KIAA1217: variants seen among roughly 807,000 people sequenced by gnomAD.
KIAA1217 encodes the protein KIAA1217, also known as sickle tail protein homolog.
A neutral mutation model predicts 163.9 loss-of-function variants in KIAA1217; 88 were observed. The observed-to-expected ratio is 0.54, with a 90% confidence interval of 0.45 to 0.64. KIAA1217 has a LOEUF of 0.64. KIAA1217 is among the 30% of genes least tolerant of loss of function. The pLI is 0.00. For missense variants in KIAA1217, 2,372 were observed against 2,475.0 expected, an observed-to-expected ratio of 0.96 and a Z score of 0.88; for synonymous variants, 903 against 923.1, an observed-to-expected ratio of 0.98 and a Z score of 0.39.
chr10:23,727,539 G>A (rs781348185), intron 1 of KIAA1217, among the ~76,000 whole-genome samples: 8 of 152,064 alleles, frequency 5.3e-5, no homozygotes, highest in Admixed American at 1.3e-4. Flanking sequence ...CAGTCTGGGC[G>A]ACAGAATGAG....
At chr10:24,014,223 A>C (rs1256453264) in intron 2 of KIAA1217, among the ~76,000 whole-genome samples, 4 of 152,168 alleles carry the variant, frequency 2.6e-5, no homozygotes, top group Admixed American at 1.3e-4. Context: ...GTTTTTAAAT[A>C]AAGGGTACTT....
intron 1 of KIAA1217, among the ~76,000 whole-genome samples, chr10:23,981,795 C>A (rs1319308628): frequency 6.6e-6 from 1 of 152,088 alleles, no homozygotes; most frequent in East Asian, 1.9e-4. Context: ...CACTATTATT[C>A]ATTTCTTGGG....
intron 1 of KIAA1217, among the ~76,000 whole-genome samples, chr10:23,780,940 C>A (rs376050542): frequency 7.5e-4 from 114 of 152,270 alleles, no homozygotes; most frequent in African/African-American, 2.6e-3. Flanking sequence ...CTCAGCCTCC[C>A]AAAGGGCTGG....
intron 2 of KIAA1217, among the ~76,000 whole-genome samples, chr10:24,078,726 T>G (rs11013880): frequency 0.032 from 4,863 of 152,166 alleles, 259 homozygotes; most frequent in African/African-American, 0.11. Flanking sequence ...CATATGGAGA[T>G]ATGCAAGAGT....
At chr10:23,893,267 G>A (rs903319120) in intron 1 of KIAA1217, among the ~76,000 whole-genome samples, 1 of 152,050 alleles carries the variant, frequency 6.6e-6, no homozygotes, top group Non-Finnish European at 1.5e-5. Context: ...AGATTTTCTA[G>A]TTTATTTGCA....
intron 1 of KIAA1217, among the ~76,000 whole-genome samples, chr10:23,701,100 C>A (rs1030878156): frequency 6.6e-6 from 1 of 152,146 alleles, no homozygotes; most frequent in Non-Finnish European, 1.5e-5. Context: ...CAGCGTCTGG[C>A]ACTTGGTACA....
At chr10:24,149,182 G>A (rs1180014181) in intron 2 of KIAA1217, among the ~76,000 whole-genome samples, 1 of 151,978 alleles carries the variant, frequency 6.6e-6, no homozygotes, top group African/African-American at 2.4e-5. Flanking sequence ...ATGGTTTTAT[G>A]TTTTTTGTTT....
intron 2 of KIAA1217, among the ~76,000 whole-genome samples, chr10:24,190,747 G>A (rs2066679333): frequency 6.6e-6 from 1 of 152,118 alleles, no homozygotes; most frequent in South Asian, 2.1e-4. Flanking sequence ...ACCTACTCCA[G>A]GAAATGCCAG....
intron 8 of KIAA1217, among the ~76,000 whole-genome samples, chr10:24,496,673 T>G (rs907812460): frequency 6.6e-6 from 1 of 152,214 alleles, no homozygotes; most frequent in Non-Finnish European, 1.5e-5. Context: ...TATTCTCATG[T>G]TCCAGAGAAG....
intron 1 of KIAA1217, among the ~76,000 whole-genome samples, chr10:23,809,504 AG>A (rs1836890311): frequency 6.6e-6 from 1 of 152,050 alleles, no homozygotes; most frequent in Non-Finnish European, 1.5e-5. Context: ...TGAGGTAAGA[AG>A]AAAAAAAGGA....
intron 1 of KIAA1217, among the ~76,000 whole-genome samples, chr10:23,818,008 TACACAC>T (rs1255645777): frequency 0.012 from 1,020 of 87,226 alleles, 31 homozygotes; most frequent in African/African-American, 0.046. Context: ...TATATATATA[TACACAC>T]ATATATATAC....
intron 1 of KIAA1217, among the ~76,000 whole-genome samples, chr10:23,854,316 G>C (rs138712300): frequency 0.18 from 26,938 of 151,956 alleles, 2,493 homozygotes; most frequent in Middle Eastern, 0.21. Context: ...CCATGTAGTT[G>C]AGTGGTTTTG....
intron 1 of KIAA1217, among the ~76,000 whole-genome samples, chr10:23,857,347 A>G (rs964839922): frequency 3.3e-5 from 5 of 152,202 alleles, no homozygotes; most frequent in African/African-American, 1.2e-4. Flanking sequence ...CACTTTGTTC[A>G]TTAGAGAGAA....
At chr10:24,360,695 T>C (rs556148857) in intron 2 of KIAA1217, among the ~76,000 whole-genome samples, 18 of 152,306 alleles carry the variant, frequency 1.2e-4, no homozygotes, top group African/African-American at 4.1e-4. Context: ...TCATACTCGC[T>C]AGGTTCAGGG....
intron 1 of KIAA1217, among the ~76,000 whole-genome samples, chr10:23,907,111 T>G (rs1409128686): frequency 6.6e-6 from 1 of 152,110 alleles, no homozygotes; most frequent in African/African-American, 2.4e-5. Flanking sequence ...CTCCCATGTG[T>G]ATTAAAGCAA....
At chr10:23,920,739 C>T (rs192188095) in intron 1 of KIAA1217, among the ~76,000 whole-genome samples, 1 of 152,256 alleles carries the variant, frequency 6.6e-6, no homozygotes, top group Non-Finnish European at 1.5e-5. Flanking sequence ...ACAGAGTTCT[C>T]CTGTGATGGG....
chr10:24,253,655 C>T (rs926545662), intron 2 of KIAA1217, among the ~76,000 whole-genome samples: 2 of 151,920 alleles, frequency 1.3e-5, no homozygotes, highest in Admixed American at 6.6e-5. Flanking sequence ...TCTCTTGAAC[C>T]TGGGAGGTAG....
Position 24,491,286 on chromosome 10 carries a change from CTTTTTTTTTTTT to C in KIAA1217, c.1680-3204_1680-3193del, listed in dbSNP as rs1169407580. Reference sequence around the variant, plus strand: ...GGTGCTTTGTTTCTTTTTTTTTTTCCTTTTTTTTTTTTTTTTTTTTTGAGACAGAGTCTCGCT... The same window carrying C: ...GGTGCTTTGTTTCTTTTTTTTTTTCCTTTTTTTTTGAGACAGAGTCTCGCT... On this transcript the variant is annotated intron_variant, in intron 6 of 20. Coordinates refer to ENST00000376454, the MANE Select transcript of KIAA1217 (RefSeq NM_019590.5). Among the ~76,000 whole-genome samples the C allele has an allele frequency of 1.4e-4, 16 of 114,738 alleles. No homozygotes were observed. In the Admixed American group the frequency reaches 1.5e-3, roughly 11 times the overall value. 75.3% of individuals were successfully genotyped at this position (114,738 alleles called of 152,430 possible).
chr10:24,419,689 T>C (rs2058575545), intron 3 of KIAA1217, among the ~76,000 whole-genome samples: 1 of 152,154 alleles, frequency 6.6e-6, no homozygotes, highest in Non-Finnish European at 1.5e-5. Context: ...TCTTACACTT[T>C]TAAAGTAAAA....
Sources: gnomAD v4.1 joint callset for allele counts (sites outside exome capture counted in the v4.1 genomes callset) on GRCh38, gnomAD v4.1.1 for gene constraint, MANE v1.5 for transcripts, NCBI Gene and HGNC (gene_info 2026-07-23, HGNC 2026-07-21) for gene names.